The following RALYL variants were observed in gnomAD, a reference collection of about 807,000 sequenced individuals.
RALYL encodes the protein RNA-binding Raly-like protein.
A neutral mutation model predicts 35.1 loss-of-function variants in RALYL; 29 were observed. That is an observed-to-expected ratio of 0.83 (90% CI 0.61 to 1.13). The LOEUF (loss-of-function observed/expected upper bound fraction) is 1.13. Ranked by LOEUF, RALYL falls within the 50% of genes most tolerant of loss-of-function variation. The pLI, the probability that RALYL is intolerant of heterozygous loss-of-function variation, is 0.00. For missense variants in RALYL, 359 were observed against 360.4 expected, an observed-to-expected ratio of 1.00 and a Z score of 0.03; for synonymous variants, 120 against 127.6, an observed-to-expected ratio of 0.94 and a Z score of 0.40.
chr8:84,675,473 T>C (rs1407440963), intron 2 of RALYL, among the ~76,000 whole-genome samples: 3 of 152,100 alleles, frequency 2.0e-5, no homozygotes, highest in Non-Finnish European at 4.4e-5. Context: ...TAGTTTAAAA[T>C]TTACTTCAAA....
intron 1 of RALYL, among the ~76,000 whole-genome samples, chr8:84,303,480 C>T (rs967036192): frequency 5.9e-5 from 9 of 152,132 alleles, no homozygotes; most frequent in African/African-American, 2.2e-4. Context: ...GGAGATCACA[C>T]GTGCTTATCA....
Position 84,881,547 on chromosome 8 carries a change from A to G in RALYL, c.686-6057A>G, listed in dbSNP as rs962007089. On this transcript the variant is annotated intron_variant, in intron 7 of 8. Transcript: ENST00000521268. ...GCAGCAAACTCAATTTAATAAAAAC[A>G]CTTTGAACATAAATCCCAACAATTC... Among the ~76,000 whole-genome samples the G allele has an allele frequency of 2.0e-5, 3 of 151,998 alleles. No individual in the cohort carries two copies. In the East Asian group the frequency reaches 5.8e-4, roughly 29 times the overall value.
chr8:84,801,461 G>GT (rs992020625), intron 3 of RALYL, among the ~76,000 whole-genome samples: 4 of 152,062 alleles, frequency 2.6e-5, no homozygotes, highest in African/African-American at 4.8e-5. Context: ...TCTAAGTTCA[G>GT]TTTTTTTTAA....
intron 1 of RALYL, among the ~76,000 whole-genome samples, chr8:84,216,408 C>T (rs578099118): frequency 1.3e-5 from 2 of 152,084 alleles, no homozygotes; most frequent in Admixed American, 1.3e-4. Flanking sequence ...AAGAGACAAC[C>T]TTTAAAAATT....
chr8:84,825,561 G>T (rs985830175), intron 4 of RALYL, among the ~76,000 whole-genome samples: 3 of 152,088 alleles, frequency 2.0e-5, no homozygotes, highest in Non-Finnish European at 4.4e-5. Context: ...GTTTATCACA[G>T]CACTATTTAC....
At chr8:84,447,600 C>A (rs1280267408) in intron 1 of RALYL, among the ~76,000 whole-genome samples, 1 of 152,018 alleles carries the variant, frequency 6.6e-6, no homozygotes, top group Non-Finnish European at 1.5e-5. Flanking sequence ...ACACTTCCAT[C>A]CATTCATTCC....
chr8:84,270,569 T>TGA lies in RALYL; in HGVS notation c.-24+86146_-24+86147insAG, dbSNP rs1834105373. ...CATGAAATTCGTGTGTGTGTGTGTG[T>TGA]GTGTGTGTGTGTGTATGTATGTATA... On this transcript the variant is annotated intron_variant, in intron 1 of 8. Transcript: ENST00000521268. Among the ~76,000 whole-genome samples, 7 of 151,952 alleles carry TGA rather than the reference T, an allele frequency of 4.6e-5. No individual in the cohort carries two copies. The South Asian group carries it at 1.5e-3, about 32-fold the overall frequency.
chr8:84,332,074 C>T (rs1434033413), intron 1 of RALYL, among the ~76,000 whole-genome samples: 1 of 152,060 alleles, frequency 6.6e-6, no homozygotes, highest in African/African-American at 2.4e-5. Context: ...TTTTCTCTGC[C>T]TTTCACATCT....
intron 1 of RALYL, among the ~76,000 whole-genome samples, chr8:84,401,797 T>C (rs1307652741): frequency 6.6e-6 from 1 of 152,052 alleles, no homozygotes; most frequent in Non-Finnish European, 1.5e-5. Flanking sequence ...GTTATGACTC[T>C]ATAGCCTGAC....
chr8:84,235,132 T>G (rs1288388558), intron 1 of RALYL, among the ~76,000 whole-genome samples: 1 of 152,242 alleles, frequency 6.6e-6, no homozygotes, highest in Non-Finnish European at 1.5e-5. Flanking sequence ...TTGTTTATTA[T>G]GAATATTTTA....
chr8:84,371,559 AC>A (rs1855707643), intron 1 of RALYL, among the ~76,000 whole-genome samples: 1 of 151,502 alleles, frequency 6.6e-6, no homozygotes, highest in African/African-American at 2.4e-5. Context: ...ACACACACAC[AC>A]ACACACACAC....
chr8:84,399,465 T>G (rs2042677961), intron 1 of RALYL, among the ~76,000 whole-genome samples: 1 of 152,180 alleles, frequency 6.6e-6, no homozygotes, highest in Non-Finnish European at 1.5e-5. Context: ...TATGAAATGG[T>G]GGATACTGTA....
intron 2 of RALYL, among the ~76,000 whole-genome samples, chr8:84,680,214 A>T (rs1006337535): frequency 1.3e-5 from 2 of 152,100 alleles, no homozygotes; most frequent in African/African-American, 4.8e-5. Flanking sequence ...ATTCCATGGT[A>T]TATATGTGCC....
At chr8:84,547,577 C>T (rs2060448362) in intron 2 of RALYL, among the ~76,000 whole-genome samples, 1 of 152,158 alleles carries the variant, frequency 6.6e-6, no homozygotes, top group South Asian at 2.1e-4. Flanking sequence ...GACAGGGTTT[C>T]ATCATGTTGG....
intron 1 of RALYL, among the ~76,000 whole-genome samples, chr8:84,433,867 C>T (rs2047421195): frequency 6.7e-6 from 1 of 149,826 alleles, no homozygotes; most frequent in African/African-American, 2.5e-5. Context: ...ATATATAATA[C>T]CATGTGTAAC....
chr8:84,342,374 G>A (rs921560546), intron 1 of RALYL, among the ~76,000 whole-genome samples: 12 of 144,698 alleles, frequency 8.3e-5, no homozygotes, highest in African/African-American at 3.1e-4. Flanking sequence ...GTCTGTGAAG[G>A]CATCAGCACA....
At chr8:84,609,808 A>C (rs1317639869) in intron 2 of RALYL, among the ~76,000 whole-genome samples, 28 of 152,152 alleles carry the variant, frequency 1.8e-4, no homozygotes, top group Admixed American at 1.8e-3. Context: ...TTGGTAATCT[A>C]TAAAGGAAAG....
intron 4 of RALYL, among the ~76,000 whole-genome samples, chr8:84,823,662 T>C (rs1183944289): frequency 6.6e-6 from 1 of 152,078 alleles, no homozygotes; most frequent in Non-Finnish European, 1.5e-5. Context: ...ACTTTCTCTC[T>C]CTCCTCCTTG....
chr8:84,625,986 C>A (rs1047847610), intron 2 of RALYL, among the ~76,000 whole-genome samples: 1 of 151,664 alleles, frequency 6.6e-6, no homozygotes, highest in Admixed American at 6.6e-5. Flanking sequence ...AATTCAGAGA[C>A]AGGGGCACTT....
Sources: gnomAD v4.1 joint callset for allele counts (sites outside exome capture counted in the v4.1 genomes callset) on GRCh38, gnomAD v4.1.1 for gene constraint, MANE v1.5 for transcripts, NCBI Gene and HGNC (gene_info 2026-07-23, HGNC 2026-07-21) for gene names.